BICD1: variants seen among roughly 807,000 people sequenced by gnomAD.
The protein encoded by BICD1 is protein bicaudal D homolog 1.
A neutral mutation model predicts 92.5 loss-of-function variants in BICD1; 35 were observed. The ratio of observed to expected loss-of-function variants is 0.38; its 90% CI spans 0.29 to 0.50. BICD1 has a LOEUF of 0.50. BICD1 is among the 20% of genes least tolerant of loss of function. BICD1 has a pLI of 0.93. For synonymous variants in BICD1, 429 were observed against 465.1 expected (o/e 0.92, Z 1.00); for missense variants, 950 against 1,189.8 (o/e 0.80, Z 2.97).
intron 1 of BICD1, among the ~76,000 whole-genome samples, chr12:32,146,786 C>T (rs1418653665): frequency 6.7e-6 from 1 of 149,754 alleles, no homozygotes; most frequent in Non-Finnish European, 1.5e-5. Flanking sequence ...TCTCCTTCTG[C>T]TTCTCTTTCT....
rs1026780479 is a variant in BICD1 at position 32,377,657 on chromosome 12, G to A, written c.*30G>A. On this transcript the variant is annotated 3_prime_UTR_variant, in exon 10 of 10. Transcript: ENST00000652176. ...CATCTCCTGTGGACGAACATCTGGG[G>A]TGGAAGTTTTGTAGCCACACACAGG... 5 of 1,585,282 alleles carry A rather than the reference G, an allele frequency of 3.2e-6. No individual in the cohort carries two copies. Among genetic ancestry groups the A allele is most frequent in the Non-Finnish European group, 4.3e-6 (5 of 1,153,982 alleles).
chr12:32,321,326 A>T (rs1948650597), intron 4 of BICD1, among the ~76,000 whole-genome samples: 1 of 152,140 alleles, frequency 6.6e-6, no homozygotes, highest in Admixed American at 6.5e-5. Context: ...ACTCTGTCTC[A>T]AAATAAATAA....
intron 3 of BICD1, among the ~76,000 whole-genome samples, chr12:32,298,939 T>A (rs1232766583): frequency 6.6e-6 from 1 of 151,996 alleles, no homozygotes; most frequent in African/African-American, 2.4e-5. Flanking sequence ...TATTCAGTTG[T>A]TTTATTTCAT....
chr12:32,265,181 C>A (rs962490971), intron 2 of BICD1, among the ~76,000 whole-genome samples: 3 of 151,866 alleles, frequency 2.0e-5, no homozygotes, highest in Non-Finnish European at 1.5e-5. Flanking sequence ...CATGCTCATC[C>A]CATCTGTTTC....
chr12:32,288,343 C>T (rs1456373645), intron 2 of BICD1, among the ~76,000 whole-genome samples: 1 of 151,314 alleles, frequency 6.6e-6, no homozygotes, highest in Non-Finnish European at 1.5e-5. Flanking sequence ...GCAATCCTCC[C>T]ACTTCAGCCC....
At chr12:32,288,223 ATTTTTTTTT>A (rs34913740) in intron 2 of BICD1, among the ~76,000 whole-genome samples, 15 of 109,510 alleles carry the variant, frequency 1.4e-4, no homozygotes, top group East Asian at 2.5e-4. Context: ...CCAAGTCCTA[ATTTTTTTTT>A]TTTTTTTTTT....
rs916612940 is a variant in BICD1 at position 32,378,312 on chromosome 12, C to A, written c.*685C>A. ...TTTCTAATCAGTAGCTCATTAACTG[C>A]TGGGTTTTGTTTTTGTATTTTTAAC... On this transcript the variant is annotated 3_prime_UTR_variant, in exon 10 of 10. Coordinates refer to ENST00000652176, the MANE Select transcript of BICD1 (RefSeq NM_001714.4). The A allele has an allele frequency of 6.6e-6, 1 of 152,172 alleles. No individual in the cohort carries two copies. The highest frequency in any genetic ancestry group is 6.6e-5 in the Admixed American group (1 of 15,264). 9.4% of individuals were successfully genotyped at this position (152,172 alleles called of 1,614,324 possible).
chr12:32,312,198 A>AAAACC (rs1948399842), intron 4 of BICD1, among the ~76,000 whole-genome samples: 1 of 151,302 alleles, frequency 6.6e-6, no homozygotes, highest in African/African-American at 2.4e-5. Context: ...GAACTATGGA[A>AAAACC]AAAACAAAAC....
At chr12:32,341,725 T>C (rs1414013000) in intron 8 of BICD1, among the ~76,000 whole-genome samples, 2 of 152,150 alleles carry the variant, frequency 1.3e-5, no homozygotes. Flanking sequence ...TTCTAAAAGG[T>C]CCTAGTTAAA....
intron 2 of BICD1, among the ~76,000 whole-genome samples, chr12:32,287,540 T>G (rs11051907): frequency 0.06 from 7,819 of 130,012 alleles, 697 homozygotes; most frequent in African/African-American, 0.19. Context: ...TGTTTTTTTT[T>G]TTGTTTTTTT....
intron 2 of BICD1, among the ~76,000 whole-genome samples, chr12:32,241,060 A>T (rs1405427519): frequency 6.6e-6 from 1 of 152,122 alleles, no homozygotes; most frequent in Admixed American, 6.6e-5. Flanking sequence ...TCTTATTGTG[A>T]TGGGCAAATC....
chr12:32,293,866 G>T, intron 2 of BICD1, 128 bp from the exon 3 acceptor site: 2 of 947,554 alleles, frequency 2.1e-6, no homozygotes, highest in East Asian at 3.0e-5. Context: ...ATTGCCATTC[G>T]AAAAAATGCA....
chr12:32,194,075 C>T lies in BICD1; in HGVS notation c.214-22172C>T, dbSNP rs77418193. Among the ~76,000 whole-genome samples the T allele has an allele frequency of 1.6e-3, 242 of 152,288 alleles. 4 individuals carry two copies. The East Asian group carries it at 0.039, about 24-fold the overall frequency. ...GCAAATTAGTAAATGTGATATACCA[C>T]ATTAACAGGATGAGGGATAAAAATC... On this transcript the variant is annotated intron_variant, in intron 1 of 9. Transcript: ENST00000652176.
At chr12:32,116,510 C>CTCTCTCTATATATATATATA (rs1233964108) in intron 1 of BICD1, among the ~76,000 whole-genome samples, 1 of 104,370 alleles carries the variant, frequency 9.6e-6, no homozygotes, top group Non-Finnish European at 1.9e-5. Flanking sequence ...CTCTCTCTCT[C>CTCTCTCTATATATATATATA]TATATATATA....
At chr12:32,249,670 T>C (rs1330671074) in intron 2 of BICD1, among the ~76,000 whole-genome samples, 2 of 149,672 alleles carry the variant, frequency 1.3e-5, no homozygotes, top group African/African-American at 5.0e-5. Flanking sequence ...TGAGATGGAG[T>C]TTTCTTTTCT....
intron 1 of BICD1, among the ~76,000 whole-genome samples, chr12:32,151,835 C>T (rs1448153213): frequency 1.3e-5 from 2 of 152,306 alleles, no homozygotes; most frequent in East Asian, 3.9e-4. Context: ...TCTTCCCTAC[C>T]CCCAGTTTCC....
intron 5 of BICD1, chr12:32,332,876 A>T: frequency 1.0e-6 from 1 of 985,422 alleles, no homozygotes; most frequent in Non-Finnish European, 1.2e-6. Context: ...TTTTATTTAG[A>T]AAGTCAACTT....
intron 1 of BICD1, among the ~76,000 whole-genome samples, chr12:32,110,917 G>A (rs1328565678): frequency 1.3e-5 from 2 of 151,806 alleles, no homozygotes; most frequent in East Asian, 1.9e-4. Flanking sequence ...CAGCACACCA[G>A]CATGGCACAT....
At chr12:32,370,507 C>A (rs1384517732) in intron 9 of BICD1, among the ~76,000 whole-genome samples, 3 of 152,128 alleles carry the variant, frequency 2.0e-5, no homozygotes, top group Admixed American at 1.3e-4. Context: ...CACCAAGCAC[C>A]CCCAGCCCTT....
Sources: gnomAD v4.1 joint callset for allele counts (sites outside exome capture counted in the v4.1 genomes callset) on GRCh38, gnomAD v4.1.1 for gene constraint, MANE v1.5 for transcripts, NCBI Gene and HGNC (gene_info 2026-07-23, HGNC 2026-07-21) for gene names.